The following KIAA0753 variants were observed in gnomAD, a reference collection of about 807,000 sequenced individuals.
KIAA0753 encodes the protein KIAA0753.
A neutral mutation model predicts 116.9 loss-of-function variants in KIAA0753; 114 were observed. The observed-to-expected ratio is 0.98, with a 90% CI of 0.84 to 1.14. The LOEUF is 1.14. Ranked by LOEUF, KIAA0753 falls within the 50% of genes most tolerant of loss-of-function variation. The pLI, the probability that KIAA0753 is intolerant of heterozygous loss-of-function variation, is 0.00. For synonymous variants in KIAA0753, 405 were observed against 413.1 expected, an observed-to-expected ratio of 0.98 and a Z score of 0.24; for missense variants, 1,156 against 1,172.4, an observed-to-expected ratio of 0.99 and a Z score of 0.20.
chr17:6,634,210 C>A (rs1361007491), intron 2 of KIAA0753, among the ~76,000 whole-genome samples: 1 of 150,914 alleles, frequency 6.6e-6, no homozygotes, highest in Non-Finnish European at 1.5e-5. Context: ...TCAAGCGATT[C>A]TCCTGCCCCA....
chr17:6,603,606 A>G (rs1216792302), intron 12 of KIAA0753, among the ~76,000 whole-genome samples: 7 of 152,178 alleles, frequency 4.6e-5, no homozygotes, highest in Non-Finnish European at 1.0e-4. Context: ...ACTCGGAGAG[A>G]AGTAGAGAAG....
chr17:6,625,245 T>C (rs1971588796), intron 3 of KIAA0753, among the ~76,000 whole-genome samples: 1 of 152,252 alleles, frequency 6.6e-6, no homozygotes, highest in Non-Finnish European at 1.5e-5. Flanking sequence ...TTAGCAAGAT[T>C]AGTTTTACAA....
At position 6,612,275 on chromosome 17, in the gene KIAA0753, G is replaced by C. The variant is rs55714485; in HGVS notation, c.1316-127C>G. The C allele has an allele frequency of 5.1e-3, 3,526 of 688,062 alleles. 92 individuals carry two copies. In the African/African-American group the frequency reaches 0.055, roughly 11 times the overall value. The allele number at this position is 688,062 out of a possible 1,614,324, so 42.6% of individuals were successfully genotyped here. A position where few individuals can be genotyped will look rare whatever the true frequency, so the allele number is the denominator to read the frequency against. ...AGCCCTGCTGAGAAGCAGATGTTTT[G>C]TTGTCAACATTGTTCCTCCTCCTAT... On this transcript the variant is annotated intron_variant, in intron 7 of 18. Transcript: ENST00000361413.
chr17:6,628,051 G>A, intron 3 of KIAA0753, 66 bp downstream of exon 3: 1 of 1,462,706 alleles, frequency 6.8e-7, no homozygotes, highest in Non-Finnish European at 9.3e-7. Flanking sequence ...GGGTCCTCAA[G>A]GAATGCATTT....
intron 17 of KIAA0753, 120 bp downstream of exon 17, chr17:6,590,390 G>C: frequency 8.2e-7 from 1 of 1,215,650 alleles, no homozygotes; most frequent in Non-Finnish European, 1.2e-6. Context: ...TTGGAGTTTG[G>C]CAAGATCTTG....
At chr17:6,637,898 A>T (rs1972434334) in intron 1 of KIAA0753, 1 of 152,696 alleles carries the variant, frequency 6.5e-6, no homozygotes, top group Non-Finnish European at 1.5e-5. Context: ...AAGCCTGAAA[A>T]GCCTCCATCA....
At chr17:6,609,447 G>A (rs1227744636) in intron 9 of KIAA0753, among the ~76,000 whole-genome samples, 2 of 140,836 alleles carry the variant, frequency 1.4e-5, no homozygotes, top group Non-Finnish European at 3.2e-5. Flanking sequence ...TCATTCTAAT[G>A]TGCTATGAGT....
At chr17:6,615,547 G>A (rs1000459598) in intron 7 of KIAA0753, among the ~76,000 whole-genome samples, 24 of 139,210 alleles carry the variant, frequency 1.7e-4, no homozygotes, top group South Asian at 4.7e-4. Flanking sequence ...CCCGCGAGGC[G>A]TAGCTGGCAG....
rs756175086 is a variant in KIAA0753, at chr17:6,579,857, C to T, written c.2794G>A (p.Glu932Lys). 31 of 1,612,482 alleles carry T rather than the reference C, an allele frequency of 1.9e-5. No individual in the cohort carries two copies. Among genetic ancestry groups the T allele is most frequent in the Middle Eastern group, 1.6e-4 (1 of 6,084 alleles). ...CCCAGAGCTTCATCTACCAGCTCTT[C>T]TGAAAAGCTGGAAGACAAACAACAC... ...NPWLIAESFS[E>K]ELVDEALGAV... The change falls in exon 19 of 19, where the codon GAA becomes AAA. Residue 932 changes from glutamate (E) to lysine (K), a missense_variant. Glu to Lys is a moderately conservative substitution (Grantham distance 56, BLOSUM62 1). Transcript: ENST00000361413.
In KIAA0753 at chr17:6,608,408, T is replaced by C. The variant is rs1970325042; in HGVS notation, c.1769A>G (p.Gln590Arg). 6.4e-7 allele frequency: 1 copy of C among 1,568,050 alleles called. No individual in the cohort carries two copies. ...ACTTTCCTCTTGAGGATCTTCTTGCTGGAGAGGCTCTTTTGTGGCATCTCT... is the reference window on the plus strand; with the variant it reads ...ACTTTCCTCTTGAGGATCTTCTTGCCGGAGAGGCTCTTTTGTGGCATCTCT... ...SPRDATKEPL[Q>R]QEDPQEESHL... The change falls in exon 10 of 19, where the codon CAG becomes CGG. Residue 590 changes from glutamine to arginine, a missense_variant. By Grantham distance (43) the Gln-to-Arg change is conservative (BLOSUM62 1). Transcript: ENST00000361413.
At chr17:6,587,609 C>T (rs999030296) in intron 18 of KIAA0753, among the ~76,000 whole-genome samples, 4 of 152,194 alleles carry the variant, frequency 2.6e-5, no homozygotes, top group African/African-American at 4.8e-5. Context: ...GGAAGCAAGT[C>T]GCGTTTACTT....
At chr17:6,621,906 C>T (rs1971353330) in intron 6 of KIAA0753, among the ~76,000 whole-genome samples, 1 of 152,210 alleles carries the variant, frequency 6.6e-6, no homozygotes, top group African/African-American at 2.4e-5. Flanking sequence ...GCATTCCTCA[C>T]AGTGAGTTCT....
intron 17 of KIAA0753, 37 bp downstream of exon 17, chr17:6,590,473 G>T: frequency 1.2e-6 from 2 of 1,611,164 alleles, no homozygotes; most frequent in South Asian, 2.2e-5. Flanking sequence ...AAAGGTGACT[G>T]ACTAGAATGA....
intron 7 of KIAA0753, among the ~76,000 whole-genome samples, chr17:6,618,026 T>C (rs923971978): frequency 1.1e-4 from 17 of 151,902 alleles, no homozygotes; most frequent in African/African-American, 4.1e-4. Context: ...CACTTGAACC[T>C]GGGAGGCGGA....
Position 6,624,536 on chromosome 17 carries a change from C to CCACACACA in KIAA0753, c.825+211_825+218dup, listed in dbSNP as rs55849399. ...AAGAACCAGTTTAAGGAGTTTGGCGCCACACACACACACACACACACACAC... is the reference window on the plus strand; with the variant it reads ...AAGAACCAGTTTAAGGAGTTTGGCGCCACACACACACACACACACACACACACACACAC... On this transcript the variant is annotated intron_variant, in intron 4 of 18. Transcript: ENST00000361413. Among the ~76,000 whole-genome samples, 10,095 of 143,894 alleles carry CCACACACA rather than the reference C, an allele frequency of 0.07. 441 individuals carry two copies. The highest frequency in any genetic ancestry group is 0.1 in the Admixed American group (1,447 of 14,342). 94.4% of individuals were successfully genotyped at this position (143,894 alleles called of 152,430 possible).
intron 2 of KIAA0753, among the ~76,000 whole-genome samples, chr17:6,629,725 C>T (rs1297231173): frequency 1.3e-5 from 2 of 152,190 alleles, no homozygotes; most frequent in African/African-American, 4.8e-5. Context: ...CCCCTGCTCT[C>T]ACAATCAATG....
At chr17:6,595,074 GTTTAA>G (rs781572961) in intron 15 of KIAA0753, 21 bp from the exon 16 acceptor site, 3 of 1,538,256 alleles carry the variant, frequency 2.0e-6, no homozygotes, top group Non-Finnish European at 2.7e-6. Context: ...AAAGAAAAAA[GTTTAA>G]TTTATGAGAA....
At chr17:6,581,995 C>T (rs1325556653) in intron 18 of KIAA0753, among the ~76,000 whole-genome samples, 3 of 152,198 alleles carry the variant, frequency 2.0e-5, no homozygotes, top group Non-Finnish European at 4.4e-5. Context: ...GATGTGGGTA[C>T]TGGGTGTGCT....
chr17:6,607,863 T>C (rs978705384), intron 10 of KIAA0753, among the ~76,000 whole-genome samples: 13 of 152,232 alleles, frequency 8.5e-5, no homozygotes, highest in African/African-American at 2.9e-4. Context: ...CTGCCTGTTC[T>C]TCAGGTCCTA....
Sources: allele counts gnomAD v4.1 joint callset (sites outside exome capture counted in the v4.1 genomes callset), GRCh38; gene constraint gnomAD v4.1.1; transcripts MANE v1.5; gene names NCBI Gene and HGNC (gene_info 2026-07-23, HGNC 2026-07-21).